PLOD2: variants seen among roughly 807,000 people sequenced by gnomAD.
PLOD2 encodes the protein procollagen-lysine,2-oxoglutarate 5-dioxygenase 2, also known as lysine hydroxylase 2.
A neutral mutation model predicts 101.0 loss-of-function variants in PLOD2; 65 were observed. That is an observed-to-expected ratio of 0.64 (90% CI 0.53 to 0.79). The LOEUF (loss-of-function observed/expected upper bound fraction) is 0.79, where lower values mean the gene tolerates loss of function less well. PLOD2 is among the 30% of genes least tolerant of loss of function. The pLI, the probability that PLOD2 is intolerant of heterozygous loss-of-function variation, is 0.00. For missense variants in PLOD2, 909 were observed against 914.6 expected (o/e 0.99, Z 0.08); for synonymous variants, 314 against 302.9 (o/e 1.04, Z -0.38).
intron 1 of PLOD2, among the ~76,000 whole-genome samples, chr3:146,125,653 A>G (rs1438457917): frequency 3.3e-5 from 5 of 152,124 alleles, no homozygotes; most frequent in African/African-American, 1.2e-4. Flanking sequence ...AGGCTGAGAT[A>G]GGAGAATCGC....
chr3:146,071,873 G>C (rs1444600732), intron 17 of PLOD2, among the ~76,000 whole-genome samples: 1 of 151,630 alleles, frequency 6.6e-6, no homozygotes, highest in South Asian at 2.1e-4. Flanking sequence ...ACACTCAAAA[G>C]TTTTTGAATG....
intron 3 of PLOD2, among the ~76,000 whole-genome samples, chr3:146,120,610 T>C (rs1352944839): frequency 2.0e-5 from 3 of 152,162 alleles, no homozygotes; most frequent in Non-Finnish European, 4.4e-5. Context: ...AAAGCCAAAA[T>C]TGACAAATGG....
intron 2 of PLOD2, 52 bp downstream of exon 2, chr3:146,124,086 A>G (rs2030386135): frequency 1.1e-6 from 1 of 931,610 alleles, no homozygotes; most frequent in Non-Finnish European, 1.8e-6. Flanking sequence ...TATGAAAAAC[A>G]TACTTTAGGC....
intron 7 of PLOD2, among the ~76,000 whole-genome samples, chr3:146,092,332 C>T (rs1937003732): frequency 6.6e-6 from 1 of 151,872 alleles, no homozygotes; most frequent in South Asian, 2.1e-4. Context: ...GTAAATGGGG[C>T]AGTAGTAATG....
At chr3:146,142,191 T>C (rs1440942434) in intron 1 of PLOD2, among the ~76,000 whole-genome samples, 1 of 152,190 alleles carries the variant, frequency 6.6e-6, no homozygotes, top group Non-Finnish European at 1.5e-5. Context: ...AGCTATTATC[T>C]ACTGATATTT....
At position 146,086,950 on chromosome 3, in the gene PLOD2, A is replaced by C. The variant is rs748413378; in HGVS notation, c.1006-42T>G. On this transcript the variant is annotated intron_variant, in intron 9 of 19. Coordinates refer to ENST00000282903, the MANE Select transcript of PLOD2 (RefSeq NM_182943.3). ...AAATCAAAAATTAGAGAATAAGACA[A>C]TCAGATGACTGAAGTATTCATATTA... is the stretch of plus-strand genomic sequence containing the variant. 4.5e-5 allele frequency: 56 copies of C among 1,232,128 alleles called. No individual in the cohort carries two copies. In the Admixed American group the frequency reaches 1.0e-3, roughly 23 times the overall value. 76.3% of individuals were successfully genotyped at this position (1,232,128 alleles called of 1,614,324 possible).
intron 7 of PLOD2, among the ~76,000 whole-genome samples, chr3:146,102,021 C>G (rs1196450492): frequency 6.6e-6 from 1 of 152,214 alleles, no homozygotes; most frequent in African/African-American, 2.4e-5. Context: ...AGATCACTCA[C>G]TCCTCTGGAA....
chr3:146,114,368 T>A (rs1937799091), intron 3 of PLOD2, among the ~76,000 whole-genome samples: 1 of 152,072 alleles, frequency 6.6e-6, no homozygotes, highest in Non-Finnish European at 1.5e-5. Flanking sequence ...TCTCAGGTAT[T>A]TCTTATAGCA....
chr3:146,149,795 C>A (rs2031971875), intron 1 of PLOD2, among the ~76,000 whole-genome samples: 1 of 152,062 alleles, frequency 6.6e-6, no homozygotes, highest in Non-Finnish European at 1.5e-5. Context: ...GCTAATCTTA[C>A]ACGTAAAAAA....
intron 8 of PLOD2, among the ~76,000 whole-genome samples, chr3:146,089,531 T>TA (rs1198125970): frequency 6.6e-6 from 1 of 151,616 alleles, no homozygotes; most frequent in Non-Finnish European, 1.5e-5. Flanking sequence ...AGCCATGTCT[T>TA]AAAGTCTGAA....
At chr3:146,094,211 C>T (rs1185388345) in intron 7 of PLOD2, among the ~76,000 whole-genome samples, 1 of 152,150 alleles carries the variant, frequency 6.6e-6, no homozygotes, top group African/African-American at 2.4e-5. Flanking sequence ...GAAACTTTTC[C>T]GCCCAAATCC....
chr3:146,088,416 T>C (rs1047812045), intron 9 of PLOD2, among the ~76,000 whole-genome samples, 170 bp downstream of exon 9: 4 of 151,648 alleles, frequency 2.6e-5, no homozygotes, highest in East Asian at 1.9e-4. Context: ...ATTGTGGTGC[T>C]AGTCTCTAGA....
At chr3:146,098,577 A>C (rs1464151335) in intron 7 of PLOD2, among the ~76,000 whole-genome samples, 3 of 152,098 alleles carry the variant, frequency 2.0e-5, no homozygotes, top group Admixed American at 2.0e-4. Context: ...ACCATATGGG[A>C]GGGCAGTATA....
rs1471803942 is a variant in PLOD2 at position 146,070,033 on chromosome 3, T to C, written c.*684A>G. The C allele has an allele frequency of 6.6e-6, 1 of 151,938 alleles. No homozygotes were observed. Among genetic ancestry groups the C allele is most frequent in the Non-Finnish European group, 1.5e-5 (1 of 67,894 alleles). The allele number at this position is 151,938 out of a possible 1,614,324, so 9.4% of individuals were successfully genotyped here. Reference sequence around the variant, plus strand: ...AATACCTGCTTAATATAATCCACTTTGGAAGATTCATCTGAAAGAAACATA... The same window carrying C: ...AATACCTGCTTAATATAATCCACTTCGGAAGATTCATCTGAAAGAAACATA... On this transcript the variant is annotated 3_prime_UTR_variant, in exon 20 of 20. Transcript: ENST00000282903.
intron 2 of PLOD2, among the ~76,000 whole-genome samples, chr3:146,122,350 A>C (rs896864083): frequency 6.6e-6 from 1 of 152,182 alleles, no homozygotes; most frequent in Non-Finnish European, 1.5e-5. Context: ...TTTGTTCCAC[A>C]ACCCATCTGG....
At chr3:146,104,413 T>C (rs555257308) in intron 5 of PLOD2, 71 bp from the exon 6 acceptor site, 5 of 815,834 alleles carry the variant, frequency 6.1e-6, no homozygotes, top group East Asian at 2.4e-5. Flanking sequence ...CATATTAATA[T>C]AGTTTGTTCT....
intron 1 of PLOD2, among the ~76,000 whole-genome samples, chr3:146,144,328 G>T (rs2031667642): frequency 6.6e-6 from 1 of 152,022 alleles, no homozygotes; most frequent in South Asian, 2.1e-4. Flanking sequence ...AATAAAAAAG[G>T]AGGATAAAGA....
chr3:146,148,230 T>C (rs1364753979), intron 1 of PLOD2, among the ~76,000 whole-genome samples: 2 of 152,024 alleles, frequency 1.3e-5, no homozygotes, highest in African/African-American at 4.8e-5. Context: ...AAGGAATCAC[T>C]GTTGAATGCA....
intron 13 of PLOD2, 55 bp downstream of exon 13, chr3:146,079,061 G>GT: frequency 6.4e-7 from 1 of 1,564,998 alleles, no homozygotes; most frequent in Admixed American, 1.7e-5. Flanking sequence ...ACACCAACTG[G>GT]TAAAGCAAGC....
Sources: allele counts gnomAD v4.1 joint callset (sites outside exome capture counted in the v4.1 genomes callset), GRCh38; gene constraint gnomAD v4.1.1; transcripts MANE v1.5; gene names NCBI Gene and HGNC (gene_info 2026-07-23, HGNC 2026-07-21).